The following SLC12A3 variants were observed in gnomAD, a reference collection of about 807,000 sequenced individuals.
SLC12A3 encodes Na-Cl cotransporter.
In SLC12A3, 104 loss-of-function variants were observed where a neutral mutation model predicts 121.0. That is an observed-to-expected ratio of 0.86 (90% CI 0.73 to 1.01). The LOEUF is 1.01. SLC12A3 is among the 50% of genes least tolerant of loss of function. The pLI is 0.00. For synonymous variants in SLC12A3, 536 were observed against 533.4 expected, an observed-to-expected ratio of 1.00 and a Z score of -0.07; for missense variants, 1,328 against 1,356.3, an observed-to-expected ratio of 0.98 and a Z score of 0.33.
At chr16:56,879,046 TC>T in intron 9 of SLC12A3, 26 bp from the exon 10 acceptor site, 1 of 1,591,250 alleles carries the variant, frequency 6.3e-7, no homozygotes, top group African/African-American at 1.3e-5. Context: ...AAGGCAGACC[TC>T]CCCATGCTCT....
chr16:56,890,344 A>G lies in SLC12A3; in HGVS notation c.2356A>G (p.Met786Val). 4 of 1,614,062 alleles carry G rather than the reference A, an allele frequency of 2.5e-6. No homozygotes were observed. Among genetic ancestry groups the G allele is most frequent in the Non-Finnish European group, 3.4e-6 (4 of 1,179,930 alleles). ...GGAGGGACTCAACGTGTCCAAGATG[A>G]TGCAGGCGCACAGTGAGTACATGCC... ...MREGLNVSKM[M>V]QAHINPVFDP... The change falls in exon 19 of 26, where the codon ATG (methionine) becomes GTG (valine). Residue 786 changes from methionine to valine, a missense_variant. Coordinates refer to ENST00000563236, the MANE Select transcript of SLC12A3 (RefSeq NM_001126108.2).
intron 4 of SLC12A3, 58 bp downstream of exon 4, chr16:56,869,882 C>T (rs907315069): frequency 9.5e-5 from 143 of 1,511,110 alleles, no homozygotes; most frequent in Non-Finnish European, 1.3e-4. Context: ...ATCCTGGGAA[C>T]AGGACTCCCA....
intron 8 of SLC12A3, among the ~76,000 whole-genome samples, chr16:56,873,576 T>C (rs1462959021): frequency 6.6e-6 from 1 of 151,148 alleles, no homozygotes; most frequent in Non-Finnish European, 1.5e-5. Context: ...TTAGTAGAGA[T>C]GGAGTTTTGC....
At chr16:56,878,541 TATC>T (rs1340259050) in intron 9 of SLC12A3, among the ~76,000 whole-genome samples, 7 of 152,096 alleles carry the variant, frequency 4.6e-5, no homozygotes, top group Admixed American at 2.6e-4. Flanking sequence ...ATGCCAGTCC[TATC>T]ATTGTCATTT....
In SLC12A3 at chr16:56,865,271, C is replaced by T. The variant is rs117987946; in HGVS notation, c.36C>T (p.Asp12=). ...TGCCCACAACAGAGACGCCTGGGGA[C>T]GCCACTTTGTGCAGCGGGCGCTTCA... ...AELPTTETPG[D]ATLCSGRFTI... is the part of the protein sequence containing the mutation. Residue 12 remains aspartate, a synonymous_variant, in exon 1 of 26, where the codon GAC becomes GAT. Transcript: ENST00000563236. 1.0e-3 allele frequency: 1,639 copies of T among 1,613,886 alleles called. 3 individuals carry two copies. Among genetic ancestry groups the T allele is most frequent in the Non-Finnish European group, 1.3e-3 (1,552 of 1,180,046 alleles).
At chr16:56,895,462 G>T (rs1489166995) in intron 22 of SLC12A3, among the ~76,000 whole-genome samples, 3 of 150,274 alleles carry the variant, frequency 2.0e-5, no homozygotes, top group African/African-American at 7.3e-5. Context: ...CCAAAGTGCT[G>T]GGATTACAGG....
intron 8 of SLC12A3, among the ~76,000 whole-genome samples, chr16:56,876,339 G>A (rs1460394821): frequency 6.6e-6 from 1 of 152,174 alleles, no homozygotes; most frequent in Non-Finnish European, 1.5e-5. Context: ...TGAATTTTGG[G>A]GGACGCTATT....
intron 22 of SLC12A3, among the ~76,000 whole-genome samples, chr16:56,896,128 T>A (rs2055459075): frequency 6.6e-6 from 1 of 152,256 alleles, no homozygotes; most frequent in African/African-American, 2.4e-5. Context: ...GTGTCTCCAA[T>A]GCATGGGATG....
rs530961838 is a variant in SLC12A3 at position 56,886,956 on chromosome 16, C to T, written c.2041C>T (p.Pro681Ser). The T allele has an allele frequency of 1.7e-5, 28 of 1,613,578 alleles. No individual in the cohort carries two copies. In the African/African-American group the frequency reaches 3.7e-4, roughly 22 times the overall value. ...CCCCTGCCCCTCCCACCCACAGGGA[C>T]CCCACAAGCAGAGGATGCCTGAGCT... ...LMICGHVLIG[P>S]HKQRMPELQL... Residue 681 changes from proline to serine, a missense_variant, in exon 17 of 26, where the codon CCC (proline) becomes TCC (serine). By Grantham distance (74) the Pro-to-Ser change is moderately conservative. Coordinates refer to ENST00000563236, the MANE Select transcript of SLC12A3 (RefSeq NM_001126108.2).
rs35082264 is a variant in SLC12A3 at position 56,913,303 on chromosome 16, G to T, written c.2964G>T (p.Ser988=). The change falls in exon 26 of 26, where the codon TCG becomes TCT. Residue 988 remains serine, a synonymous_variant. Coordinates refer to ENST00000563236, the MANE Select transcript of SLC12A3 (RefSeq NM_001126108.2). The part of the protein sequence containing the change: ...PIGRKGKCPS[S]LYMAWLETLS... ...GGAGGAAGGGGAAGTGCCCCAGCTCGCTGTACATGGCCTGGCTGGAGACCC... is the reference window on the plus strand; with the variant it reads ...GGAGGAAGGGGAAGTGCCCCAGCTCTCTGTACATGGCCTGGCTGGAGACCC... 6.2e-7 allele frequency: 1 copy of T among 1,614,166 alleles called. No homozygotes were observed. Among genetic ancestry groups the T allele is most frequent in the Non-Finnish European group, 8.5e-7 (1 of 1,180,036 alleles).
rs146158333 is a variant in SLC12A3, at chr16:56,869,762, C to A, written c.539C>A (p.Thr180Lys). 363 of 1,614,170 alleles carry A rather than the reference C, an allele frequency of 2.2e-4. 1 individual carries two copies. The East Asian group carries it at 8.0e-3, about 35-fold the overall frequency. Reference sequence around the variant, plus strand: ...TGGATCATCATCCTGCTGTCGGTCACGGTGACCTCCATCACAGGCCTCTCC... The same window carrying A: ...TGGATCATCATCCTGCTGTCGGTCAAGGTGACCTCCATCACAGGCCTCTCC... ...LTWIIILLSV[T>K]VTSITGLSIS... is the part of the protein sequence containing the mutation. The change falls in exon 4 of 26, where the codon ACG becomes AAG. Residue 180 changes from threonine to lysine, a missense_variant. Thr to Lys is a moderately conservative substitution (Grantham distance 78). Coordinates refer to ENST00000563236, the MANE Select transcript of SLC12A3 (RefSeq NM_001126108.2).
chr16:56,887,818 T>TG (rs1491340818), intron 17 of SLC12A3, 107 bp from the exon 18 acceptor site: 1 of 247,776 alleles, frequency 4.0e-6, no homozygotes, highest in Non-Finnish European at 7.5e-6. Flanking sequence ...TTTTTTTTTT[T>TG]GAGAATCAGC....
Position 56,870,128 on chromosome 16 carries a change from G to C in SLC12A3, c.634G>C (p.Gly212Arg). 1 of 1,613,898 alleles carries C rather than the reference G, an allele frequency of 6.2e-7. No homozygotes were observed. The highest frequency in any genetic ancestry group is 8.5e-7 in the Non-Finnish European group (1 of 1,180,032). ...GTYFLISRSL[G>R]PELGGSIGLI... is the part of the protein sequence containing the mutation. ...CTACTTCCTCATCTCCCGGAGTCTG[G>C]GCCCAGAGCTTGGGGGCTCCATCGG... Residue 212 changes from glycine (G) to arginine (R), a missense_variant, in exon 5 of 26, where the codon GGC (glycine) becomes CGC (arginine). Transcript: ENST00000563236.
At chr16:56,879,315 G>A in intron 10 of SLC12A3, 88 bp downstream of exon 10, 1 of 1,558,796 alleles carries the variant, frequency 6.4e-7, no homozygotes, top group Non-Finnish European at 8.8e-7. Flanking sequence ...TTTGTTGGGG[G>A]GACATAGTTT....
intron 3 of SLC12A3, among the ~76,000 whole-genome samples, chr16:56,868,909 C>A (rs1405986330): frequency 1.3e-5 from 2 of 151,698 alleles, no homozygotes; most frequent in Non-Finnish European, 2.9e-5. Context: ...GAGGCAGAGG[C>A]TGCAGTGAGC....
chr16:56,913,249 T>A lies in SLC12A3; in HGVS notation c.2925-15T>A. The A allele has an allele frequency of 6.2e-7, 1 of 1,614,162 alleles. No homozygotes were observed. The highest frequency in any genetic ancestry group is 8.5e-7 in the Non-Finnish European group (1 of 1,180,028). On this transcript the variant is annotated splice_polypyrimidine_tract_variant and intron_variant, in intron 25 of 25. Coordinates refer to ENST00000563236, the MANE Select transcript of SLC12A3 (RefSeq NM_001126108.2). ...CGTGGTAATCTCTCTTCTACCACTTTTTCATGCCTTGCAGCACTTTGCCCA... is the reference window on the plus strand; with the variant it reads ...CGTGGTAATCTCTCTTCTACCACTTATTCATGCCTTGCAGCACTTTGCCCA...
At chr16:56,866,248 C>T (rs1237881840) in intron 1 of SLC12A3, among the ~76,000 whole-genome samples, 12 of 151,980 alleles carry the variant, frequency 7.9e-5, no homozygotes, top group East Asian at 1.9e-4. Context: ...GGCCTCCCAA[C>T]GTGCTGGAAT....
intron 18 of SLC12A3, 34 bp downstream of exon 18, chr16:56,888,065 G>A (rs1185325728): frequency 1.3e-6 from 2 of 1,511,862 alleles, no homozygotes; most frequent in Non-Finnish European, 1.8e-6. Context: ...CTTGGGGTCT[G>A]TTAATTTGGG....
chr16:56,866,398 A>G lies in SLC12A3; in HGVS notation c.283-672A>G, dbSNP rs143099942. ...CTCCATACTGAGATGAAGTGCCAGG[A>G]AGAAAGCCCCAGAGGAGGGCGTCAG... On this transcript the variant is annotated intron_variant, in intron 1 of 25. Coordinates refer to ENST00000563236, the MANE Select transcript of SLC12A3 (RefSeq NM_001126108.2). Among the ~76,000 whole-genome samples, 451 of 152,316 alleles carry G rather than the reference A, an allele frequency of 3.0e-3. 3 individuals carry two copies. Among genetic ancestry groups the G allele is most frequent in the Non-Finnish European group, 4.8e-3 (329 of 68,012 alleles).
Sources: gnomAD v4.1 joint callset for allele counts (sites outside exome capture counted in the v4.1 genomes callset) on GRCh38, gnomAD v4.1.1 for gene constraint, MANE v1.5 for transcripts, NCBI Gene and HGNC (gene_info 2026-07-23, HGNC 2026-07-21) for gene names.